KNL1: variants seen among roughly 807,000 people sequenced by gnomAD.
The protein encoded by KNL1 is outer kinetochore KNL1 complex subunit KNL1.
In KNL1, 66 loss-of-function variants were observed where a neutral mutation model predicts 201.3. That is an observed-to-expected ratio of 0.33 (90% CI 0.27 to 0.40). The LOEUF (loss-of-function observed/expected upper bound fraction) is 0.40, where lower values mean the gene tolerates loss of function less well. KNL1 is among the 10% of genes least tolerant of loss of function. The pLI, the probability that KNL1 is intolerant of heterozygous loss-of-function variation, is 1.00. For synonymous variants in KNL1, 895 were observed against 899.2 expected (o/e 1.00, Z 0.08); for missense variants, 2,815 against 2,690.5 (o/e 1.05, Z -1.02).
intron 17 of KNL1, among the ~76,000 whole-genome samples, chr15:40,647,501 T>G (rs1893428479): frequency 6.6e-6 from 1 of 151,102 alleles, no homozygotes; most frequent in Non-Finnish European, 1.5e-5. Context: ...AATAAATAAA[T>G]AAATAAATTA....
intron 13 of KNL1, among the ~76,000 whole-genome samples, chr15:40,631,219 G>A (rs1261862908): frequency 6.6e-6 from 1 of 152,088 alleles, no homozygotes; most frequent in African/African-American, 2.4e-5. Context: ...CCTGGTCCTT[G>A]GAGGAATTGT....
intron 9 of KNL1, 144 bp from the exon 10 acceptor site, chr15:40,620,496 T>A (rs1349562343): frequency 6.5e-6 from 3 of 461,596 alleles, no homozygotes; most frequent in Non-Finnish European, 1.1e-5. Context: ...TGACAAATTA[T>A]ATGCAACATG....
At chr15:40,652,881 A>G (rs1893613221) in intron 21 of KNL1, among the ~76,000 whole-genome samples, 1 of 152,136 alleles carries the variant, frequency 6.6e-6, no homozygotes, top group South Asian at 2.1e-4. Context: ...CTATATGGTA[A>G]CTGGACAGAG....
At chr15:40,626,787 C>T (rs1892767321) in intron 10 of KNL1, among the ~76,000 whole-genome samples, 1 of 152,192 alleles carries the variant, frequency 6.6e-6, no homozygotes, top group African/African-American at 2.4e-5. Flanking sequence ...ACCACGTTGG[C>T]CAGGCTGGTC....
chr15:40,649,769 A>G (rs1007811829), intron 17 of KNL1, among the ~76,000 whole-genome samples: 1 of 152,088 alleles, frequency 6.6e-6, no homozygotes, highest in African/African-American at 2.4e-5. Context: ...TAGCCTGATC[A>G]TTTCTACTTT....
chr15:40,624,398 G>C lies in KNL1; in HGVS notation c.4134G>C (p.Gln1378His). 1 of 1,614,014 alleles carries C rather than the reference G, an allele frequency of 6.2e-7. No homozygotes were observed. The highest frequency in any genetic ancestry group is 8.5e-7 in the Non-Finnish European group (1 of 1,179,932). The change falls in exon 10 of 26, where the codon CAG becomes CAC. Residue 1378 changes from glutamine (Q) to histidine (H), a missense_variant. Around this residue, in one of 3 missense-constraint regions of KNL1, gnomAD observed 2,464 missense variants for 2,291.7 expected, o/e 1.08. Transcript: ENST00000399668. Reference sequence around the variant, plus strand: ...TTATTCAAACCAGTACCAAAGGACAGTTAGACTGTGTTATAACACTGCACA... The same window carrying C: ...TTATTCAAACCAGTACCAAAGGACACTTAGACTGTGTTATAACACTGCACA... ...EEVIQTSTKG[Q>H]LDCVITLHKD...
chr15:40,657,899 A>G (rs1044240453), intron 24 of KNL1, among the ~76,000 whole-genome samples: 24 of 152,188 alleles, frequency 1.6e-4, no homozygotes, highest in Admixed American at 1.6e-3. Context: ...TTTGGGAAAT[A>G]CAGGTCAACC....
At position 40,627,087 on chromosome 15, in the gene KNL1, G is replaced by A. The variant is rs186401098; in HGVS notation, c.5377-983G>A. Among the ~76,000 whole-genome samples the A allele has an allele frequency of 3.9e-3, 598 of 152,114 alleles. 1 individual carries two copies. Among genetic ancestry groups the A allele is most frequent in the African/African-American group, 0.014 (577 of 41,512 alleles). On this transcript the variant is annotated intron_variant, in intron 10 of 25. Transcript: ENST00000399668. ...TCTTTGTATTTTCAGTAGAGTCAGG[G>A]TTTCACAATGTTGGCCAGGCTGGTC...
intron 7 of KNL1, among the ~76,000 whole-genome samples, chr15:40,614,101 C>CTTTT (rs35400027): frequency 7.5e-6 from 1 of 132,546 alleles, no homozygotes; most frequent in Non-Finnish European, 1.6e-5. Context: ...CCTGGCCCCC[C>CTTTT]TTTTTTTTTT....
intron 13 of KNL1, among the ~76,000 whole-genome samples, chr15:40,630,095 G>A (rs1273876930): frequency 6.6e-6 from 1 of 152,186 alleles, no homozygotes; most frequent in African/African-American, 2.4e-5. Context: ...AGAGGCTGAG[G>A]TGGAAGAATC....
Position 40,605,162 on chromosome 15 carries a change from T to C in KNL1, c.75+13T>C. On this transcript the variant is annotated intron_variant, in intron 3 of 25. Coordinates refer to ENST00000399668, the MANE Select transcript of KNL1 (RefSeq NM_144508.5). The stretch of plus-strand genomic sequence containing the variant: ...ACGGCATTCTTCAGTAAGAAAGACT[T>C]TCTTGAATTAATAATTGTCAGCTTT... 1 of 1,389,640 alleles carries C rather than the reference T, an allele frequency of 7.2e-7. No individual in the cohort carries two copies. 86.1% of individuals were successfully genotyped at this position (1,389,640 alleles called of 1,614,324 possible). A position where few individuals can be genotyped will look rare whatever the true frequency, so the allele number is the denominator to read the frequency against.
Position 40,662,135 on chromosome 15 carries a change from G to A in KNL1, c.6898G>A (p.Val2300Ile). The change falls in exon 26 of 26, where the codon GTA becomes ATA. Residue 2300 changes from valine to isoleucine, a missense_variant. By Grantham distance (29) the Val-to-Ile change is conservative. Around this residue, in one of 3 missense-constraint regions of KNL1, gnomAD observed 334 missense variants for 362.6 expected, o/e 0.92. Transcript: ENST00000399668. ...ACTGGAGAACAACTACCTGAAGAAT[G>A]TAGTCAAGCAAATTTACCAAGATCT... ...VPLENNYLKN[V>I]VKQIYQDLFQ... The A allele has an allele frequency of 2.5e-6, 4 of 1,613,124 alleles. No homozygotes were observed. The highest frequency in any genetic ancestry group is 3.4e-6 in the Non-Finnish European group (4 of 1,179,170).
At chr15:40,611,767 T>A (rs1312394987) in intron 7 of KNL1, among the ~76,000 whole-genome samples, 1 of 152,034 alleles carries the variant, frequency 6.6e-6, no homozygotes, top group Non-Finnish European at 1.5e-5. Context: ...TTAGTTTTTT[T>A]ATTAAATTAA....
chr15:40,662,224 G>A lies in KNL1; in HGVS notation c.*36G>A. ...CACCATTGGAACAACCAAGCAGAAT[G>A]TACTTGATATTATTTCAGGGTCCCA... is the stretch of plus-strand genomic sequence containing the variant. On this transcript the variant is annotated 3_prime_UTR_variant, in exon 26 of 26. Transcript: ENST00000399668. 2 of 1,169,230 alleles carry A rather than the reference G, an allele frequency of 1.7e-6. No individual in the cohort carries two copies. The highest frequency in any genetic ancestry group is 1.3e-6 in the Non-Finnish European group (1 of 778,542). The allele number at this position is 1,169,230 out of a possible 1,614,324, so 72.4% of individuals were successfully genotyped here. A position where few individuals can be genotyped will look rare whatever the true frequency, so the allele number is the denominator to read the frequency against.
intron 13 of KNL1, among the ~76,000 whole-genome samples, chr15:40,639,600 G>GA (rs922440893): frequency 2.0e-5 from 3 of 147,104 alleles, no homozygotes; most frequent in Admixed American, 6.8e-5. Flanking sequence ...AAAAAAAAAG[G>GA]AAAAAAAAAA....
intron 13 of KNL1, among the ~76,000 whole-genome samples, chr15:40,637,323 C>T (rs1205724732): frequency 2.1e-5 from 3 of 140,996 alleles, no homozygotes; most frequent in Non-Finnish European, 3.1e-5. Context: ...TTTCTCTGCC[C>T]TTTTTTTTTT....
In KNL1 at chr15:40,624,907, C is replaced by T; in HGVS notation, c.4643C>T (p.Thr1548Ile). Residue 1548 changes from threonine to isoleucine, a missense_variant, in exon 10 of 26, where the codon ACA becomes ATA. Thr to Ile is a moderately conservative substitution (Grantham distance 89). Transcript: ENST00000399668. ...NAGEAPDPVI[T>I]SNVPCFHSIK... ...GGAGAAGCACCAGATCCTGTAATTA[C>T]ATCTAATGTTCCATGTTTTCATAGT... is the stretch of plus-strand genomic sequence containing the variant. 1.2e-6 allele frequency: 2 copies of T among 1,613,018 alleles called. No homozygotes were observed. The highest frequency in any genetic ancestry group is 1.7e-6 in the Non-Finnish European group (2 of 1,179,822).
At chr15:40,614,108 T>C (rs1892265380) in intron 7 of KNL1, among the ~76,000 whole-genome samples, 6 of 149,978 alleles carry the variant, frequency 4.0e-5, no homozygotes, top group Admixed American at 4.0e-4. Flanking sequence ...CCCCTTTTTT[T>C]TTTTTTTGAG....
chr15:40,660,295 A>G (rs545587855), intron 25 of KNL1, among the ~76,000 whole-genome samples: 2 of 152,112 alleles, frequency 1.3e-5, no homozygotes, highest in Non-Finnish European at 2.9e-5. Context: ...GAATACTCCA[A>G]CCTAAAACAT....
Sources: allele counts gnomAD v4.1 joint callset (sites outside exome capture counted in the v4.1 genomes callset), GRCh38; gene constraint gnomAD v4.1.1; regional missense constraint gnomAD v4.1.1; transcripts MANE v1.5; gene names NCBI Gene and HGNC (gene_info 2026-07-23, HGNC 2026-07-21).